Variants in ZMYM2 observed in about 807,000 individuals in gnomAD.
ZMYM2 encodes the protein zinc finger MYM-type protein 2.
ZMYM2 carries 56 observed loss-of-function variants against 162.8 expected under a neutral mutation model. The observed-to-expected ratio is 0.34, with a 90% CI of 0.28 to 0.43. ZMYM2 has a LOEUF of 0.43. ZMYM2 is among the 20% of genes least tolerant of loss of function. The pLI is 1.00. For synonymous variants in ZMYM2, 510 were observed against 541.6 expected (o/e 0.94, Z 0.81); for missense variants, 1,275 against 1,621.8 (o/e 0.79, Z 3.67).
At chr13:19,988,129 T>C (rs1949323871) in intron 2 of ZMYM2, among the ~76,000 whole-genome samples, 1 of 152,166 alleles carries the variant, frequency 6.6e-6, no homozygotes, top group Non-Finnish European at 1.5e-5. Context: ...TAGAAAAAAA[T>C]TCTGTTTTCT....
chr13:19,868,041 G>T, the ZMYM2 span, among the ~76,000 whole-genome samples: 1 of 152,208 alleles, frequency 6.6e-6, no homozygotes, highest in Non-Finnish European at 1.5e-5. Flanking sequence ...CCTTACTAGT[G>T]CCAGAGAGCT....
At chr13:19,991,072 GTATTT>G (rs1281860166) in intron 2 of ZMYM2, among the ~76,000 whole-genome samples, 4 of 134,268 alleles carry the variant, frequency 3.0e-5, no homozygotes, top group Non-Finnish European at 6.4e-5. Context: ...GTGTACGTAT[GTATTT>G]TCTGTGTGTG....
the ZMYM2 span, among the ~76,000 whole-genome samples, chr13:19,901,402 T>A: frequency 1.3e-5 from 2 of 152,160 alleles, no homozygotes; most frequent in Non-Finnish European, 2.9e-5. Context: ...GATGAATTGA[T>A]AAGCAAAATG....
chr13:20,001,645 C>T (rs899322275), intron 3 of ZMYM2, among the ~76,000 whole-genome samples: 9 of 152,078 alleles, frequency 5.9e-5, no homozygotes, highest in Non-Finnish European at 1.3e-4. Flanking sequence ...TTGAAAGAAG[C>T]TCTAGTGTGG....
At chr13:20,072,673 G>A (rs1957175112) in intron 21 of ZMYM2, among the ~76,000 whole-genome samples, 1 of 152,136 alleles carries the variant, frequency 6.6e-6, no homozygotes, top group Non-Finnish European at 1.5e-5. Flanking sequence ...ATTACTTTTT[G>A]TGGTGGGGGT....
intron 9 of ZMYM2, among the ~76,000 whole-genome samples, chr13:20,030,503 A>G (rs964165065): frequency 8.0e-5 from 12 of 149,342 alleles, no homozygotes; most frequent in Non-Finnish European, 1.3e-4. Context: ...GGTTCACGCC[A>G]TTCTCCTGCC....
chr13:20,046,129 A>G (rs778183607), intron 12 of ZMYM2, among the ~76,000 whole-genome samples: 7 of 151,588 alleles, frequency 4.6e-5, no homozygotes, highest in African/African-American at 1.5e-4. Flanking sequence ...TCATACCCCT[A>G]TAGTCCCAGA....
At chr13:19,951,240 T>TA in the ZMYM2 span, among the ~76,000 whole-genome samples, 1 of 151,994 alleles carries the variant, frequency 6.6e-6, no homozygotes, top group Non-Finnish European at 1.5e-5. Context: ...TGAGATACAT[T>TA]AAAAAGCTTC....
the ZMYM2 span, among the ~76,000 whole-genome samples, chr13:19,947,451 CTT>C: frequency 4.2e-3 from 544 of 129,998 alleles, 1 homozygote; most frequent in Middle Eastern, 7.8e-3. Flanking sequence ...TCTTCTTCGT[CTT>C]TTTTTTTTTT....
chr13:19,888,243 C>T, the ZMYM2 span, among the ~76,000 whole-genome samples: 1 of 151,708 alleles, frequency 6.6e-6, no homozygotes, highest in African/African-American at 2.4e-5. Context: ...AGCTGGAGTG[C>T]AGTGATGTGA....
At chr13:19,959,421 C>T (rs541961811) in intron 1 of ZMYM2, among the ~76,000 whole-genome samples, 24 of 152,262 alleles carry the variant, frequency 1.6e-4, no homozygotes, top group Admixed American at 9.2e-4. Flanking sequence ...CGCTGCGCGG[C>T]TCTTGCTCCG....
chr13:20,064,629 T>G, intron 19 of ZMYM2, 84 bp downstream of exon 19: 1 of 1,030,462 alleles, frequency 9.7e-7, no homozygotes, highest in African/African-American at 1.7e-5. Context: ...CCTGAGAATA[T>G]GGGAACATAT....
At chr13:20,073,928 A>G (rs575772873) in intron 21 of ZMYM2, among the ~76,000 whole-genome samples, 9 of 152,206 alleles carry the variant, frequency 5.9e-5, no homozygotes, top group Admixed American at 1.3e-4. Flanking sequence ...GTACATTCAC[A>G]TTGTTGTGCA....
chr13:20,030,232 CTT>C (rs772819839), intron 9 of ZMYM2, among the ~76,000 whole-genome samples: 8 of 140,644 alleles, frequency 5.7e-5, no homozygotes, highest in Non-Finnish European at 6.2e-5. Flanking sequence ...TTCTTTTCCT[CTT>C]TTTTTTTTTT....
the ZMYM2 span, among the ~76,000 whole-genome samples, chr13:19,871,374 AC>A: frequency 6.6e-6 from 1 of 152,212 alleles, no homozygotes; most frequent in Non-Finnish European, 1.5e-5. Context: ...TAAAAAAAGA[AC>A]AATTAACTAG....
the ZMYM2 span, among the ~76,000 whole-genome samples, chr13:19,927,338 TAAC>T: frequency 1.3e-5 from 2 of 152,340 alleles, no homozygotes; most frequent in Admixed American, 1.3e-4. Flanking sequence ...CTTGAAATCT[TAAC>T]AAATATACTT....
the ZMYM2 span, among the ~76,000 whole-genome samples, chr13:19,929,465 C>G: frequency 6.6e-6 from 1 of 152,018 alleles, no homozygotes; most frequent in East Asian, 1.9e-4. Flanking sequence ...GTCTCGATCT[C>G]CTGACCTCTT....
chr13:19,965,035 A>G (rs545925787), intron 2 of ZMYM2, among the ~76,000 whole-genome samples: 1 of 151,336 alleles, frequency 6.6e-6, no homozygotes, highest in South Asian at 2.1e-4. Flanking sequence ...ATGTATACAT[A>G]TGTAACTAAC....
At chr13:19,950,565 T>C in the ZMYM2 span, among the ~76,000 whole-genome samples, 14,651 of 152,284 alleles carry the variant, frequency 0.096, 1,114 homozygotes, top group African/African-American at 0.2. Context: ...AGGATGTTTC[T>C]GGGCCTCATT....
Sources: allele counts gnomAD v4.1 joint callset (sites outside exome capture counted in the v4.1 genomes callset), GRCh38; gene constraint gnomAD v4.1.1; transcripts MANE v1.5; gene names NCBI Gene and HGNC (gene_info 2026-07-23, HGNC 2026-07-21).